Variants in ZC3H12C observed in about 807,000 individuals in gnomAD.
ZC3H12C encodes the protein probable ribonuclease ZC3H12C.
In ZC3H12C, 20 loss-of-function variants were observed where a neutral mutation model predicts 76.3. That is an observed-to-expected ratio of 0.26 (90% CI 0.18 to 0.38). The LOEUF (loss-of-function observed/expected upper bound fraction) is 0.38. ZC3H12C is among the 10% of genes least tolerant of loss of function. ZC3H12C has a pLI of 1.00. For missense variants in ZC3H12C, 874 were observed against 1,086.5 expected (o/e 0.80, Z 2.75); for synonymous variants, 352 against 399.6 (o/e 0.88, Z 1.42).
chr11:110,101,272 A>G (rs1861209018), intron 1 of ZC3H12C, among the ~76,000 whole-genome samples: 1 of 152,208 alleles, frequency 6.6e-6, no homozygotes, highest in South Asian at 2.1e-4. Context: ...GAAAAAAGCA[A>G]GAGTGTTAGG....
intron 1 of ZC3H12C, among the ~76,000 whole-genome samples, chr11:110,101,918 C>T (rs1861224014): frequency 1.3e-5 from 2 of 151,994 alleles, no homozygotes; most frequent in African/African-American, 4.8e-5. Context: ...GATCAGTTTA[C>T]ATCAGTTTAC....
At chr11:110,154,007 C>A (rs650327) in intron 3 of ZC3H12C, among the ~76,000 whole-genome samples, 104,737 of 152,060 alleles carry the variant, frequency 0.69, 36,876 homozygotes, top group South Asian at 0.79. Flanking sequence ...CGTGTAAAGA[C>A]AACTGTAAAA....
At position 110,167,977 on chromosome 11, in the gene ZC3H12C, T is replaced by C. The variant is rs576816711; in HGVS notation, c.*2240T>C. The C allele has an allele frequency of 6.6e-6, 1 of 152,290 alleles. No individual in the cohort carries two copies. Among genetic ancestry groups the C allele is most frequent in the East Asian group, 1.9e-4 (1 of 5,192 alleles). 9.4% of individuals were successfully genotyped at this position (152,290 alleles called of 1,614,324 possible). A position where few individuals can be genotyped will look rare whatever the true frequency, so the allele number is the denominator to read the frequency against. The stretch of plus-strand genomic sequence containing the variant: ...GTAGTATCTTTTATTTTAGTCATAT[T>C]CTAAGACTTCTTTTTAGTATGAAAT... On this transcript the variant is annotated 3_prime_UTR_variant, in exon 6 of 6. Transcript: ENST00000278590.
chr11:110,120,081 C>T (rs1861626915), intron 1 of ZC3H12C, among the ~76,000 whole-genome samples: 1 of 152,172 alleles, frequency 6.6e-6, no homozygotes, highest in South Asian at 2.1e-4. Context: ...AATTCTCTCC[C>T]CTGCCTCTTA....
intron 1 of ZC3H12C, among the ~76,000 whole-genome samples, chr11:110,133,325 T>C (rs1288865320): frequency 6.6e-6 from 1 of 152,214 alleles, no homozygotes; most frequent in East Asian, 1.9e-4. Context: ...TCCCTATTTG[T>C]ACTGTTTCTG....
chr11:110,131,306 T>C (rs1861861554), intron 1 of ZC3H12C: 11 of 571,528 alleles, frequency 1.9e-5, no homozygotes, highest in Admixed American at 3.2e-5. Context: ...TCTAGAGTTA[T>C]ATAAATAATT....
At chr11:110,110,945 C>A (rs1861417090) in intron 1 of ZC3H12C, among the ~76,000 whole-genome samples, 1 of 152,138 alleles carries the variant, frequency 6.6e-6, no homozygotes. Context: ...GAAAAAACTT[C>A]ACAAAATTAA....
chr11:110,134,047 T>C (rs1861912034), intron 1 of ZC3H12C, among the ~76,000 whole-genome samples: 1 of 152,180 alleles, frequency 6.6e-6, no homozygotes, highest in African/African-American at 2.4e-5. Flanking sequence ...TTAAATAATA[T>C]TTCCTAGGTC....
rs146660884 is a variant in ZC3H12C, at chr11:110,168,224, G to A, written c.*2487G>A. Reference sequence around the variant, plus strand: ...AGTGTAGCCAGCTGCCACCTCTACTGAAGTGAGTAGCTCTGAACTACCCAC... The same window carrying A: ...AGTGTAGCCAGCTGCCACCTCTACTAAAGTGAGTAGCTCTGAACTACCCAC... On this transcript the variant is annotated 3_prime_UTR_variant, in exon 6 of 6. Transcript: ENST00000278590. 1.6e-4 allele frequency: 24 copies of A among 152,204 alleles called. No homozygotes were observed. In the Middle Eastern group the frequency reaches 0.017, roughly 108 times the overall value. 9.4% of individuals were successfully genotyped at this position (152,204 alleles called of 1,614,324 possible).
At chr11:110,126,147 A>G (rs1861740463) in intron 1 of ZC3H12C, among the ~76,000 whole-genome samples, 1 of 152,032 alleles carries the variant, frequency 6.6e-6, no homozygotes, top group Admixed American at 6.6e-5. Flanking sequence ...AATATGATTT[A>G]CAAAAAAACA....
At chr11:110,162,867 C>A (rs1164706853) in intron 4 of ZC3H12C, among the ~76,000 whole-genome samples, 1 of 152,134 alleles carries the variant, frequency 6.6e-6, no homozygotes, top group Non-Finnish European at 1.5e-5. Context: ...CATTGTGTTC[C>A]AGCCCCCTCC....
At chr11:110,140,385 C>T (rs1219258291) in intron 2 of ZC3H12C, among the ~76,000 whole-genome samples, 1 of 152,182 alleles carries the variant, frequency 6.6e-6, no homozygotes, top group Non-Finnish European at 1.5e-5. Flanking sequence ...TTGAGTTCTT[C>T]AATATTCTTC....
chr11:110,166,228 G>A lies in ZC3H12C; in HGVS notation c.*491G>A, dbSNP rs1261901235. On this transcript the variant is annotated 3_prime_UTR_variant, in exon 6 of 6. Transcript: ENST00000278590. Reference sequence around the variant, plus strand: ...GCTTTTTAAGTTATTTTTATTTGGGGAAAGTGGGCTTCTTTGTGCTATAAT... The same window carrying A: ...GCTTTTTAAGTTATTTTTATTTGGGAAAAGTGGGCTTCTTTGTGCTATAAT... 6.5e-6 allele frequency: 1 copy of A among 154,502 alleles called. No homozygotes were observed. The highest frequency in any genetic ancestry group is 2.4e-5 in the African/African-American group (1 of 41,402). 9.6% of individuals were successfully genotyped at this position (154,502 alleles called of 1,614,324 possible).
chr11:110,148,050 CAGA>C (rs1862202818), intron 2 of ZC3H12C, among the ~76,000 whole-genome samples: 2 of 152,310 alleles, frequency 1.3e-5, no homozygotes, highest in South Asian at 2.1e-4. Flanking sequence ...GCAGAAAAAG[CAGA>C]AGGAGCAACA....
intron 1 of ZC3H12C, among the ~76,000 whole-genome samples, chr11:110,128,623 A>C (rs1415739474): frequency 1.3e-5 from 2 of 152,182 alleles, no homozygotes; most frequent in Non-Finnish European, 2.9e-5. Flanking sequence ...TATACACAAA[A>C]GAAAGAGTTT....
At position 110,165,170 on chromosome 11, in the gene ZC3H12C, A is replaced by C; in HGVS notation, c.2085A>C (p.Pro695=). ...TRGQSYSHEE[P]KFHHKPPLPH... is the part of the protein sequence containing the mutation. ...GGCAAAGTTACAGTCACGAAGAACC[A>C]AAGTTCCATCACAAGCCTCCTCTTC... Residue 695 remains proline (P), a synonymous_variant, in exon 6 of 6, where the codon CCA becomes CCC. Transcript: ENST00000278590. The C allele has an allele frequency of 6.2e-7, 1 of 1,613,928 alleles. No individual in the cohort carries two copies. Among genetic ancestry groups the C allele is most frequent in the Non-Finnish European group, 8.5e-7 (1 of 1,179,908 alleles).
intron 4 of ZC3H12C, 68 bp from the exon 5 acceptor site, chr11:110,163,205 G>T: frequency 7.3e-7 from 1 of 1,371,854 alleles, no homozygotes; most frequent in Non-Finnish European, 9.9e-7. Flanking sequence ...ACAAATCTTT[G>T]TACTCTTTTT....
intron 1 of ZC3H12C, among the ~76,000 whole-genome samples, chr11:110,113,781 A>G (rs1191917305): frequency 6.6e-6 from 1 of 152,132 alleles, no homozygotes; most frequent in Non-Finnish European, 1.5e-5. Context: ...CATTGGCTCT[A>G]TCTTAGAAAA....
intron 1 of ZC3H12C, among the ~76,000 whole-genome samples, chr11:110,106,618 A>G (rs1038303375): frequency 4.6e-5 from 7 of 152,248 alleles, no homozygotes; most frequent in African/African-American, 1.7e-4. Context: ...TTGATGGTAT[A>G]TATCGAAGCA....
Sources: allele counts gnomAD v4.1 joint callset (sites outside exome capture counted in the v4.1 genomes callset), GRCh38; gene constraint gnomAD v4.1.1; transcripts MANE v1.5; gene names NCBI Gene and HGNC (gene_info 2026-07-23, HGNC 2026-07-21).